Variants in TRPC5 observed in about 807,000 individuals in gnomAD.
TRPC5 encodes short transient receptor potential channel 5.
Under a neutral mutation model 56.5 loss-of-function variants are expected in TRPC5, and 9 were observed. The ratio of observed to expected loss-of-function variants is 0.16; its 90% CI spans 0.10 to 0.28. The LOEUF is 0.28. TRPC5 is among the 10% of genes least tolerant of loss of function. The pLI is 1.00. For synonymous variants in TRPC5, 282 were observed against 278.5 expected, an observed-to-expected ratio of 1.01 and a Z score of -0.13; for missense variants, 469 against 748.9, an observed-to-expected ratio of 0.63 and a Z score of 4.36.
chrX:111,992,918 A>G lies in TRPC5; in HGVS notation c.-21-40477T>C, dbSNP rs997962632. The stretch of plus-strand genomic sequence containing the variant: ...AAAATTATTATTATTATTATTTATT[A>G]TACTTTAAGTTCTAGGGTACATGTG... On this transcript the variant is annotated intron_variant, in intron 1 of 10. Coordinates refer to ENST00000262839, the MANE Select transcript of TRPC5 (RefSeq NM_012471.3). Among the ~76,000 whole-genome samples, 3 of 110,685 alleles carry G rather than the reference A, an allele frequency of 2.7e-5. No homozygotes were observed. The South Asian group carries it at 1.2e-3, about 43-fold the overall frequency.
chrX:111,985,329 G>A (rs1456434860), intron 1 of TRPC5, among the ~76,000 whole-genome samples: 1 of 111,882 alleles, frequency 8.9e-6, no homozygotes, highest in Non-Finnish European at 1.9e-5. Flanking sequence ...AGACAGATCT[G>A]AGCTAAAACT....
chrX:111,825,108 CTTTCTTTCT>C (rs1922150863), intron 7 of TRPC5, among the ~76,000 whole-genome samples: 1 of 109,905 alleles, frequency 9.1e-6, no homozygotes, highest in Non-Finnish European at 1.9e-5. Flanking sequence ...TTCATTTTCT[CTTTCTTTCT>C]TTTCTTTCTT....
intron 1 of TRPC5, among the ~76,000 whole-genome samples, chrX:112,002,192 C>T (rs1216684933): frequency 8.9e-6 from 1 of 112,527 alleles, no homozygotes; most frequent in African/African-American, 3.2e-5. Flanking sequence ...CATCCCATGG[C>T]TCCCAGCCTA....
chrX:111,786,588 C>A (rs1945967778), intron 7 of TRPC5, among the ~76,000 whole-genome samples: 2 of 110,771 alleles, frequency 1.8e-5, no homozygotes, highest in South Asian at 7.6e-4. Flanking sequence ...TGTAAATGGG[C>A]TAAATGCCCC....
chrX:111,861,940 A>G (rs1283094435), intron 3 of TRPC5, among the ~76,000 whole-genome samples: 3 of 111,528 alleles, frequency 2.7e-5, no homozygotes, highest in African/African-American at 9.8e-5. Context: ...TTCAAGGTGC[A>G]CTAGCCACTG....
At chrX:112,028,649 C>T (rs1398995577) in intron 1 of TRPC5, among the ~76,000 whole-genome samples, 1 of 112,191 alleles carries the variant, frequency 8.9e-6, no homozygotes, top group Non-Finnish European at 1.9e-5. Flanking sequence ...TGTATATGTG[C>T]CACATTTTCT....
rs759331624 is a variant in TRPC5 at position 111,869,363 on chromosome X, C to T, written c.901-15257G>A. On this transcript the variant is annotated intron_variant, in intron 3 of 10. Transcript: ENST00000262839. ...AAGATATGTTCTTACCCAAGGATTA[C>T]TGAGACATTTTGTTCTAAGCTGGCT... 3.6e-5 allele frequency among the ~76,000 whole-genome samples: 4 copies of T among 111,817 alleles called. No homozygotes were observed. The South Asian group carries it at 1.5e-3, about 42-fold the overall frequency.
rs769203106 is a variant in TRPC5, at chrX:111,786,620, A to C, written c.1897-4482T>G. Among the ~76,000 whole-genome samples the C allele has an allele frequency of 8.1e-5, 9 of 111,112 alleles. No individual in the cohort carries two copies. In the East Asian group the frequency reaches 2.6e-3, roughly 32 times the overall value. Reference sequence around the variant, plus strand: ...CCCCAATTAGAAGACACAGACTGGCAAATTGGATAAAGAGTCAAGACCCAT... The same window carrying C: ...CCCCAATTAGAAGACACAGACTGGCCAATTGGATAAAGAGTCAAGACCCAT... On this transcript the variant is annotated intron_variant, in intron 7 of 10. Coordinates refer to ENST00000262839, the MANE Select transcript of TRPC5 (RefSeq NM_012471.3).
rs748253582 is a variant in TRPC5, at chrX:112,065,038, CAGTGT to C, written c.-22+16836_-22+16840del. Reference sequence around the variant, plus strand: ...ACAGTGAGCCATGATCGCACCACTGCAGTGTACTCCAGCCTGGGAGACCAGCGAGA... The same window carrying C: ...ACAGTGAGCCATGATCGCACCACTGCACTCCAGCCTGGGAGACCAGCGAGA... On this transcript the variant is annotated intron_variant, in intron 1 of 10. Transcript: ENST00000262839. Among the ~76,000 whole-genome samples, 304 of 100,511 alleles carry C rather than the reference CAGTGT, an allele frequency of 3.0e-3. 1 individual carries two copies. Among genetic ancestry groups the C allele is most frequent in the South Asian group, 0.017 (37 of 2,116 alleles). 87.3% of individuals were successfully genotyped at this position (100,511 alleles called of 115,157 possible). A position where few individuals can be genotyped will look rare whatever the true frequency, so the allele number is the denominator to read the frequency against.
chrX:112,008,620 G>T (rs375224595), intron 1 of TRPC5, among the ~76,000 whole-genome samples: 1,164 of 107,991 alleles, frequency 0.011, 25 homozygotes, highest in African/African-American at 0.036. Flanking sequence ...AAAAAATATA[G>T]AGAGAAGGTG....
intron 7 of TRPC5, among the ~76,000 whole-genome samples, chrX:111,830,783 G>A (rs1922384646): frequency 8.9e-6 from 1 of 112,244 alleles, no homozygotes; most frequent in African/African-American, 3.2e-5. Flanking sequence ...AAATGACTGA[G>A]TCTCAGGTAT....
intron 1 of TRPC5, among the ~76,000 whole-genome samples, chrX:112,037,225 C>T (rs1929768134): frequency 9.0e-6 from 1 of 111,581 alleles, no homozygotes; most frequent in Admixed American, 9.5e-5. Context: ...GGTAATTCCT[C>T]TGGTATTCTA....
intron 1 of TRPC5, among the ~76,000 whole-genome samples, chrX:112,079,938 A>G (rs1930922107): frequency 9.0e-6 from 1 of 111,613 alleles, no homozygotes; most frequent in African/African-American, 3.3e-5. Context: ...CAAAACCTAC[A>G]CTGTAGGCTT....
chrX:111,950,091 A>G (rs768252696), intron 2 of TRPC5, among the ~76,000 whole-genome samples: 51 of 111,458 alleles, frequency 4.6e-4, no homozygotes, highest in South Asian at 1.9e-3. Flanking sequence ...TTGGGAGGCC[A>G]AGGTGGGCAG....
chrX:111,863,963 C>A (rs1480779618), intron 3 of TRPC5, among the ~76,000 whole-genome samples: 1 of 111,322 alleles, frequency 9.0e-6, no homozygotes, highest in African/African-American at 3.3e-5. Flanking sequence ...GGGATAAATT[C>A]TACTCAGTCA....
chrX:111,940,253 C>T (rs1926732481), intron 2 of TRPC5, among the ~76,000 whole-genome samples: 1 of 111,172 alleles, frequency 9.0e-6, no homozygotes, highest in South Asian at 3.8e-4. Context: ...TGGTTTATTC[C>T]ATTGTGGTTC....
intron 1 of TRPC5, among the ~76,000 whole-genome samples, chrX:111,968,528 A>G (rs940529444): frequency 6.3e-5 from 7 of 110,614 alleles, no homozygotes; most frequent in African/African-American, 2.3e-4. Flanking sequence ...ATGCATACGT[A>G]TGTTTATTGC....
Position 112,080,264 on chromosome X carries a change from A to G in TRPC5, c.-22+1615T>C, listed in dbSNP as rs908530015. 3.6e-5 allele frequency among the ~76,000 whole-genome samples: 4 copies of G among 111,175 alleles called. No individual in the cohort carries two copies. In the Admixed American group the frequency reaches 3.8e-4, roughly 11 times the overall value. Reference sequence around the variant, plus strand: ...AGGCAATTCATTGCATTTTGGTAACATAGTAATAAATAGAAAGTTTAACAG... The same window carrying G: ...AGGCAATTCATTGCATTTTGGTAACGTAGTAATAAATAGAAAGTTTAACAG... On this transcript the variant is annotated intron_variant, in intron 1 of 10. Coordinates refer to ENST00000262839, the MANE Select transcript of TRPC5 (RefSeq NM_012471.3).
intron 1 of TRPC5, among the ~76,000 whole-genome samples, chrX:112,030,715 T>C (rs1436084337): frequency 4.5e-5 from 5 of 112,287 alleles, no homozygotes; most frequent in East Asian, 2.8e-4. Context: ...CCATCACCTA[T>C]ATAATTGTTT....
Sources: gnomAD v4.1 joint callset for allele counts (sites outside exome capture counted in the v4.1 genomes callset) on GRCh38, gnomAD v4.1.1 for gene constraint, MANE v1.5 for transcripts, NCBI Gene and HGNC (gene_info 2026-07-23, HGNC 2026-07-21) for gene names.